Variants in CHST3 observed in about 807,000 individuals in gnomAD.
CHST3 encodes C6ST-1.
A neutral mutation model predicts 35.4 loss-of-function variants in CHST3; 20 were observed. That is an observed-to-expected ratio of 0.57 (90% CI 0.40 to 0.82). CHST3 has a LOEUF of 0.82. Among genes scored for constraint, CHST3 ranks in the 40% least tolerant of loss-of-function variants. CHST3 has a pLI of 0.00. For synonymous variants in CHST3, 334 were observed against 295.9 expected (o/e 1.13, Z -1.32); for missense variants, 693 against 670.1 (o/e 1.03, Z -0.38).
chr10:71,997,027 G>A (rs78545371), intron 1 of CHST3, among the ~76,000 whole-genome samples: 16,447 of 152,062 alleles, frequency 0.11, 922 homozygotes, highest in Admixed American at 0.16. Flanking sequence ...GTGCCTGGCC[G>A]TTGTTTATTT....
At chr10:71,999,467 G>GCGGCTCCTCTTTCCCATT (rs1839971383) in intron 1 of CHST3, among the ~76,000 whole-genome samples, 2 of 152,218 alleles carry the variant, frequency 1.3e-5, no homozygotes, top group Admixed American at 6.5e-5. Flanking sequence ...TCTTTCCCAT[G>GCGGCTCCTCTTTCCCATT]CAGCTCCTCC....
intron 1 of CHST3, among the ~76,000 whole-genome samples, chr10:71,978,902 TC>T (rs992372128): frequency 6.6e-6 from 1 of 152,094 alleles, no homozygotes; most frequent in African/African-American, 2.4e-5. Context: ...TCTGGACCCC[TC>T]CCCAGGATGC....
chr10:71,988,571 T>C (rs1179275875), intron 1 of CHST3, among the ~76,000 whole-genome samples: 1 of 152,226 alleles, frequency 6.6e-6, no homozygotes, highest in Non-Finnish European at 1.5e-5. Context: ...TCCGCCATGA[T>C]TGAAAGCTCC....
rs1301978016 is a variant in CHST3 at position 72,012,496 on chromosome 10, C to T, written c.*4025C>T. 6.6e-6 allele frequency: 1 copy of T among 152,212 alleles called. No individual in the cohort carries two copies. The highest frequency in any genetic ancestry group is 6.6e-5 in the Admixed American group (1 of 15,264). The allele number at this position is 152,212 out of a possible 1,614,324, so 9.4% of individuals were successfully genotyped here. A position where few individuals can be genotyped will look rare whatever the true frequency, so the allele number is the denominator to read the frequency against. On this transcript the variant is annotated 3_prime_UTR_variant, in exon 3 of 3. Coordinates refer to ENST00000373115, the MANE Select transcript of CHST3 (RefSeq NM_004273.5). ...AGACCAATTGACTGTAGGGCTTGTC[C>T]CTTGCTAAGACAGGAGCAGAAGACT...
Position 72,008,210 on chromosome 10 carries a change from G to C in CHST3, c.1179G>C (p.Leu393=). 2 of 1,553,328 alleles carry C rather than the reference G, an allele frequency of 1.3e-6. No individual in the cohort carries two copies. Among genetic ancestry groups the C allele is most frequent in the Non-Finnish European group, 1.7e-6 (2 of 1,148,562 alleles). The change falls in exon 3 of 3, where the codon CTG becomes CTC. Residue 393 remains leucine, a synonymous_variant. Coordinates refer to ENST00000373115, the MANE Select transcript of CHST3 (RefSeq NM_004273.5). ...REMYRFAGIP[L]TPQVEDWIQK... ...TGTACCGCTTCGCCGGCATCCCCCT[G>C]ACCCCGCAGGTGGAAGACTGGATCC... is the stretch of plus-strand genomic sequence containing the variant.
chr10:71,997,856 C>T (rs1057423080), intron 1 of CHST3, among the ~76,000 whole-genome samples: 5 of 151,886 alleles, frequency 3.3e-5, no homozygotes, highest in Admixed American at 6.6e-5. Context: ...TTAGTAGAGA[C>T]GGGGTTTCAC....
chr10:72,007,912 T>C lies in CHST3; in HGVS notation c.881T>C (p.Leu294Pro). 1 of 1,565,896 alleles carries C rather than the reference T, an allele frequency of 6.4e-7. No homozygotes were observed. Among genetic ancestry groups the C allele is most frequent in the Non-Finnish European group, 8.7e-7 (1 of 1,155,806 alleles). Residue 294 changes from leucine (L) to proline (P), a missense_variant, in exon 3 of 3, where the codon CTG (leucine) becomes CCG (proline). Leu to Pro is a moderately conservative substitution (Grantham distance 98). Transcript: ENST00000373115. ...CTGGCCGAGGACCCCCGCCTGGACC[T>C]GCGCGTCATCCAGCTGGTGCGCGAC... ...QPLAEDPRLD[L>P]RVIQLVRDPR...
chr10:71,966,269 C>A (rs1839631455), intron 1 of CHST3, among the ~76,000 whole-genome samples: 1 of 152,126 alleles, frequency 6.6e-6, no homozygotes, highest in Non-Finnish European at 1.5e-5. Context: ...GGTCTAGGAG[C>A]TGTGTTCTGC....
intron 1 of CHST3, among the ~76,000 whole-genome samples, chr10:71,995,386 C>T (rs1839929831): frequency 1.3e-5 from 2 of 149,428 alleles, no homozygotes; most frequent in Non-Finnish European, 2.9e-5. Flanking sequence ...GATCACGCCA[C>T]TGCGCTCCAG....
chr10:71,976,475 G>GC, intron 1 of CHST3, among the ~76,000 whole-genome samples: 1 of 152,166 alleles, frequency 6.6e-6, no homozygotes, highest in Non-Finnish European at 1.5e-5. Context: ...TTTCTGGGAA[G>GC]CCCCCAGGAA....
At chr10:71,976,613 G>C (rs1839748115) in intron 1 of CHST3, among the ~76,000 whole-genome samples, 1 of 152,178 alleles carries the variant, frequency 6.6e-6, no homozygotes, top group African/African-American at 2.4e-5. Context: ...CAGGCCCAAT[G>C]GTTGCTGTAA....
chr10:71,971,394 C>T (rs1308497688), intron 1 of CHST3, among the ~76,000 whole-genome samples: 1 of 152,226 alleles, frequency 6.6e-6, no homozygotes, highest in African/African-American at 2.4e-5. Context: ...GGCTTCACAG[C>T]TTAGCCGTCT....
At position 72,000,705 on chromosome 10, in the gene CHST3, A is replaced by C. The variant is rs537125518; in HGVS notation, c.-107-5031A>C. Among the ~76,000 whole-genome samples, 7 of 152,274 alleles carry C rather than the reference A, an allele frequency of 4.6e-5. No homozygotes were observed. The East Asian group carries it at 1.2e-3, about 25-fold the overall frequency. ...AAGTAGTGCATAGAGTGTTTGAAGC[A>C]GAAGCTGCCTTATTGTCTGTGCCTC... On this transcript the variant is annotated intron_variant, in intron 1 of 2. Coordinates refer to ENST00000373115, the MANE Select transcript of CHST3 (RefSeq NM_004273.5).
Position 72,005,826 on chromosome 10 carries a change from C to A in CHST3, c.-17C>A, listed in dbSNP as rs191007783. 6.2e-7 allele frequency: 1 copy of A among 1,614,064 alleles called. No homozygotes were observed. ...CCAAGGCTGGCCCGAGGAGCCCCCACGGCCCCACCTTTCCCCATGGAGAAA... is the reference window on the plus strand; with the variant it reads ...CCAAGGCTGGCCCGAGGAGCCCCCAAGGCCCCACCTTTCCCCATGGAGAAA... On this transcript the variant is annotated 5_prime_UTR_variant, in exon 2 of 3. Coordinates refer to ENST00000373115, the MANE Select transcript of CHST3 (RefSeq NM_004273.5).
At chr10:71,972,351 C>T (rs187694567) in intron 1 of CHST3, among the ~76,000 whole-genome samples, 4 of 152,262 alleles carry the variant, frequency 2.6e-5, no homozygotes, top group Admixed American at 2.6e-4. Context: ...CAGTGCATGT[C>T]ATTGCGTTCT....
chr10:72,004,298 A>C lies in CHST3; in HGVS notation c.-107-1438A>C, dbSNP rs3998500. Among the ~76,000 whole-genome samples the C allele has an allele frequency of 7.9e-3, 1,207 of 152,270 alleles. 19 individuals carry two copies. Among genetic ancestry groups the C allele is most frequent in the African/African-American group, 0.028 (1,154 of 41,534 alleles). On this transcript the variant is annotated intron_variant, in intron 1 of 2. Transcript: ENST00000373115. ...TGAGAGATAATGAGGGGCCCAGATG[A>C]ACTCCCTGTCCTGCCTGAAGGGATG...
chr10:71,976,056 A>G lies in CHST3; in HGVS notation c.-108+11362A>G, dbSNP rs116392839. Among the ~76,000 whole-genome samples, 793 of 152,346 alleles carry G rather than the reference A, an allele frequency of 5.2e-3. 10 individuals are homozygous for G. The highest frequency in any genetic ancestry group is 0.018 in the African/African-American group (752 of 41,584). ...GCCAGCTTGCCCTCTGACACTGGGT[A>G]GCACAGCCCTGTTCGATTCTCTGTT... is the stretch of plus-strand genomic sequence containing the variant. On this transcript the variant is annotated intron_variant, in intron 1 of 2. Coordinates refer to ENST00000373115, the MANE Select transcript of CHST3 (RefSeq NM_004273.5).
intron 1 of CHST3, among the ~76,000 whole-genome samples, chr10:71,983,485 C>G (rs1159727981): frequency 6.6e-6 from 1 of 152,096 alleles, no homozygotes; most frequent in Non-Finnish European, 1.5e-5. Flanking sequence ...GAGTCTTGTT[C>G]TGTTGCCCAG....
intron 1 of CHST3, among the ~76,000 whole-genome samples, chr10:72,001,211 A>G (rs1483667662): frequency 6.6e-6 from 1 of 152,054 alleles, no homozygotes; most frequent in Non-Finnish European, 1.5e-5. Context: ...CCCTGAAAGA[A>G]CTCAGCACTG....
Sources: allele counts gnomAD v4.1 joint callset (sites outside exome capture counted in the v4.1 genomes callset), GRCh38; gene constraint gnomAD v4.1.1; transcripts MANE v1.5; gene names NCBI Gene and HGNC (gene_info 2026-07-23, HGNC 2026-07-21).